The following ZNF185 variants were observed in gnomAD, a reference collection of about 807,000 sequenced individuals.
ZNF185 encodes the protein zinc finger protein 185.
In ZNF185, 56 loss-of-function variants were observed where a neutral mutation model predicts 58.6. That is an observed-to-expected ratio of 0.95 (90% CI 0.77 to 1.19). ZNF185 has a LOEUF of 1.19. Ranked by LOEUF, ZNF185 falls within the 50% of genes most tolerant of loss-of-function variation. The pLI, the probability that ZNF185 is intolerant of heterozygous loss-of-function variation, is 0.00. For missense variants in ZNF185, 627 were observed against 573.5 expected (o/e 1.09, Z -0.95); for synonymous variants, 230 against 215.9 (o/e 1.07, Z -0.57).
intron 13 of ZNF185, 34 bp downstream of exon 14, chrX:152,931,810 C>A: frequency 8.8e-7 from 1 of 1,134,246 alleles, no homozygotes; most frequent in East Asian, 3.1e-5. Flanking sequence ...ACTTCATTCC[C>A]AGAACACGGA....
the ZNF185 span, among the ~76,000 whole-genome samples, chrX:152,903,383 C>T: frequency 5.8e-5 from 3 of 51,501 alleles, no homozygotes; most frequent in East Asian, 6.6e-4. Flanking sequence ...GAGCGAGACT[C>T]GTCTCAAAAA....
At chrX:152,904,944 G>A in the ZNF185 span, among the ~76,000 whole-genome samples, 1 of 112,533 alleles carries the variant, frequency 8.9e-6, no homozygotes, top group Admixed American at 9.3e-5. Context: ...CCCCTCCCAT[G>A]GGCACAGAGC....
intron 13 of ZNF185, 110 bp downstream of exon 14, chrX:152,931,886 G>A (rs1942046939): frequency 7.8e-6 from 5 of 637,706 alleles, no homozygotes; most frequent in African/African-American, 2.3e-5. Context: ...TGCAGCTGGG[G>A]CCAGGAAGGT....
At chrX:152,949,695 G>T (rs1556898265) in intron 16 of ZNF185, among the ~76,000 whole-genome samples, 2 of 112,038 alleles carry the variant, frequency 1.8e-5, no homozygotes, top group Non-Finnish European at 3.8e-5. Flanking sequence ...GTTCCAAGAA[G>T]GGCAGAGACA....
chrX:152,911,697 C>T (rs1385773296), upstream of ZNF185, among the ~76,000 whole-genome samples: 1 of 37,621 alleles, frequency 2.7e-5, no homozygotes, highest in Non-Finnish European at 5.1e-5. Context: ...CATCTCATCC[C>T]ATCCCATCCA....
chrX:152,920,341 A>G, exon 8 of ZNF185: 1 of 1,210,625 alleles, frequency 8.3e-7, no homozygotes, highest in Non-Finnish European at 1.1e-6. Context: ...AGAGGCTGCA[A>G]GCGGTGTTCT....
rs1055981454 is a variant in ZNF185 at position 152,941,936 on chromosome X, G to A, written c.1212-3331G>A. The A allele has an allele frequency of 7.0e-6, 7 of 1,006,799 alleles. No individual in the cohort carries two copies. The South Asian group carries it at 1.8e-4, about 26-fold the overall frequency. 83.0% of individuals were successfully genotyped at this position (1,006,799 alleles called of 1,213,427 possible). A position where few individuals can be genotyped will look rare whatever the true frequency, so the allele number is the denominator to read the frequency against. ...CGAGGGGCCGAACGGGGCCCCTGCG[G>A]CTTGAGCTTGTTTCGCAGGGAGCCC... is the stretch of plus-strand genomic sequence containing the variant. On this transcript the variant is annotated intron_variant, in intron 15 of 22. Transcript: ENST00000449285.
At chrX:152,918,492 C>T (rs782554325) in intron 6 of ZNF185, among the ~76,000 whole-genome samples, 26 of 113,144 alleles carry the variant, frequency 2.3e-4, no homozygotes, top group African/African-American at 8.3e-4. Context: ...CTGCACCCGG[C>T]CGAGCCTCAG....
chrX:152,923,427 G>T (rs1556870826), intron 11 of ZNF185, among the ~76,000 whole-genome samples: 1 of 112,282 alleles, frequency 8.9e-6, no homozygotes, highest in African/African-American at 3.2e-5. Context: ...GACTGCCAGG[G>T]TGCTTCTCCT....
the ZNF185 span, among the ~76,000 whole-genome samples, chrX:152,902,900 C>T: frequency 9.0e-6 from 1 of 111,034 alleles, no homozygotes; most frequent in Non-Finnish European, 1.9e-5. Flanking sequence ...GGGGAGGCAG[C>T]GGGCTCTTTC....
intron 16 of ZNF185, among the ~76,000 whole-genome samples, chrX:152,953,730 G>A (rs1411276803): frequency 1.8e-5 from 2 of 111,265 alleles, no homozygotes; most frequent in Non-Finnish European, 3.8e-5. Flanking sequence ...TTTAGATAGA[G>A]ACTTTTATTT....
the ZNF185 span, among the ~76,000 whole-genome samples, chrX:152,898,996 T>C: frequency 4.5e-5 from 5 of 112,035 alleles, no homozygotes; most frequent in African/African-American, 1.6e-4. Flanking sequence ...GGGTGACACG[T>C]CAAGCTGCCT....
chrX:152,954,976 G>A (rs1244256006), intron 16 of ZNF185, among the ~76,000 whole-genome samples: 2 of 111,354 alleles, frequency 1.8e-5, no homozygotes, highest in Non-Finnish European at 3.8e-5. Context: ...TGGAGGGGGG[G>A]AAATGACGTA....
chrX:152,925,839 C>T (rs1301514415), intron 11 of ZNF185, among the ~76,000 whole-genome samples: 3 of 112,205 alleles, frequency 2.7e-5, no homozygotes, highest in African/African-American at 9.7e-5. Flanking sequence ...AGCCTTGTCC[C>T]CAGGCACAGA....
chrX:152,946,602 G>A lies in ZNF185; in HGVS notation c.1409+1138G>A, dbSNP rs1420954167. 2.7e-5 allele frequency among the ~76,000 whole-genome samples: 3 copies of A among 111,485 alleles called. No individual in the cohort carries two copies. In the East Asian group the frequency reaches 8.5e-4, roughly 31 times the overall value. On this transcript the variant is annotated intron_variant, in intron 16 of 22. Transcript: ENST00000449285. ...GAGGCTTGTGGATGAAGGAGGAGGC[G>A]AGTGGTTCTGGGTTTTGTTTTCGTT...
chrX:152,937,716 C>A (rs1426858905), intron 14 of ZNF185, among the ~76,000 whole-genome samples: 1 of 112,324 alleles, frequency 8.9e-6, no homozygotes, highest in African/African-American at 3.2e-5. Context: ...ACCTGTGCAC[C>A]AGACTCATTG....
At chrX:152,969,291 C>T in intron 20 of ZNF185, 91 bp from the exon 23 acceptor site, 4 of 755,757 alleles carry the variant, frequency 5.3e-6, no homozygotes, top group Non-Finnish European at 7.8e-6. Context: ...CAAACCTGGG[C>T]CTGGCTGCAC....
At chrX:152,928,507 C>A in intron 11 of ZNF185, 68 bp from the exon 13 acceptor site, 1 of 1,134,747 alleles carries the variant, frequency 8.8e-7, no homozygotes, top group Non-Finnish European at 1.2e-6. Flanking sequence ...GCCCACCGCA[C>A]TCACCAGCCC....
At chrX:152,955,918 T>A (rs555230085) in intron 16 of ZNF185, among the ~76,000 whole-genome samples, 1,757 of 100,421 alleles carry the variant, frequency 0.017, 20 homozygotes, top group Non-Finnish European at 0.026. Flanking sequence ...AAAAAAAAAA[T>A]ATTTCCCCTT....
Sources: allele counts gnomAD v4.1 joint callset (sites outside exome capture counted in the v4.1 genomes callset), GRCh38; gene constraint gnomAD v4.1.1; transcripts MANE v1.5; gene names NCBI Gene and HGNC (gene_info 2026-07-23, HGNC 2026-07-21).